SPATS2L: variants seen among roughly 807,000 people sequenced by gnomAD.
SPATS2L encodes spermatogenesis associated serine rich 2 like, also known as SPATS2-like protein.
In SPATS2L, 30 loss-of-function variants were observed where a neutral mutation model predicts 59.6. The ratio of observed to expected loss-of-function variants is 0.50; its 90% confidence interval spans 0.38 to 0.68. The LOEUF is 0.68. Among genes scored for constraint, SPATS2L ranks in the 30% least tolerant of loss-of-function variants. SPATS2L has a pLI of 0.00. For missense variants in SPATS2L, 615 were observed against 700.0 expected, an observed-to-expected ratio of 0.88 and a Z score of 1.37; for synonymous variants, 252 against 263.5, an observed-to-expected ratio of 0.96 and a Z score of 0.42.
chr2:200,387,590 G>A (rs999147999), intron 2 of SPATS2L, among the ~76,000 whole-genome samples: 9 of 152,174 alleles, frequency 5.9e-5, no homozygotes, highest in Non-Finnish European at 1.2e-4. Context: ...CTGAATTTAT[G>A]CTTTATTTAA....
intron 6 of SPATS2L, among the ~76,000 whole-genome samples, chr2:200,422,179 T>C: frequency 6.6e-6 from 1 of 152,188 alleles, no homozygotes; most frequent in East Asian, 1.9e-4. Context: ...CATTGAGGTG[T>C]GTTGGTATTA....
At chr2:200,321,851 CCCATTTT>C (rs2079569033) in intron 1 of SPATS2L, among the ~76,000 whole-genome samples, 1 of 152,148 alleles carries the variant, frequency 6.6e-6, no homozygotes, top group Non-Finnish European at 1.5e-5. Flanking sequence ...GTCTGTTACG[CCCATTTT>C]TCAGATGACA....
At chr2:200,335,988 G>A (rs2080129684) in intron 2 of SPATS2L, among the ~76,000 whole-genome samples, 2 of 152,084 alleles carry the variant, frequency 1.3e-5, no homozygotes, top group South Asian at 4.1e-4. Flanking sequence ...TTGTTATATT[G>A]TGAAATATAT....
At position 200,481,637 on chromosome 2, in the gene SPATS2L, A is replaced by G. The variant is rs1376256652; in HGVS notation, c.*3606A>G. 4 of 152,252 alleles carry G rather than the reference A, an allele frequency of 2.6e-5. No individual in the cohort carries two copies. The highest frequency in any genetic ancestry group is 3.9e-4 in the East Asian group (2 of 5,190). 9.4% of individuals were successfully genotyped at this position (152,252 alleles called of 1,614,324 possible). Reference sequence around the variant, plus strand: ...GTAAAACGTTTATTTCTCAACAGACATTCCAGTGATAGCATCCAATGACCT... The same window carrying G: ...GTAAAACGTTTATTTCTCAACAGACGTTCCAGTGATAGCATCCAATGACCT... On this transcript the variant is annotated 3_prime_UTR_variant, in exon 13 of 13. Transcript: ENST00000409140.
intron 2 of SPATS2L, among the ~76,000 whole-genome samples, chr2:200,330,524 C>T (rs112065252): frequency 3.6e-3 from 545 of 152,286 alleles, no homozygotes; most frequent in Non-Finnish European, 6.5e-3. Flanking sequence ...TGTTGATTTT[C>T]TGTCTTTCTG....
At chr2:200,346,260 A>G (rs936838029) in intron 2 of SPATS2L, among the ~76,000 whole-genome samples, 2 of 152,228 alleles carry the variant, frequency 1.3e-5, no homozygotes, top group African/African-American at 4.8e-5. Context: ...TTATAGCTCC[A>G]TGAGCTAGGA....
chr2:200,351,330 G>A, intron 2 of SPATS2L: 1 of 471,174 alleles, frequency 2.1e-6, no homozygotes, highest in South Asian at 1.5e-5. Context: ...TTTGCTAAGT[G>A]AATAAACTTA....
chr2:200,444,022 G>T (rs2084870712), intron 8 of SPATS2L, among the ~76,000 whole-genome samples: 1 of 152,202 alleles, frequency 6.6e-6, no homozygotes, highest in Admixed American at 6.5e-5. Flanking sequence ...AAGAATTAGG[G>T]ATTTGCGAGG....
At chr2:200,368,415 T>C (rs1300935487) in intron 2 of SPATS2L, among the ~76,000 whole-genome samples, 1 of 152,204 alleles carries the variant, frequency 6.6e-6, no homozygotes, top group East Asian at 1.9e-4. Flanking sequence ...TGAAGTCTTA[T>C]TCATGTTTAA....
chr2:200,351,352 A>G (rs2080723276), intron 2 of SPATS2L: 1 of 469,970 alleles, frequency 2.1e-6, no homozygotes, highest in Non-Finnish European at 4.4e-6. Context: ...TGTATGCTAG[A>G]AGATTTTGTG....
intron 2 of SPATS2L, chr2:200,373,209 T>C (rs1198735274): frequency 6.0e-5 from 9 of 149,746 alleles, no homozygotes; most frequent in African/African-American, 1.5e-4. Context: ...CCAGAACTTA[T>C]TAACATTAGT....
At chr2:200,365,634 G>T (rs1412235477) in intron 2 of SPATS2L, among the ~76,000 whole-genome samples, 2 of 152,132 alleles carry the variant, frequency 1.3e-5, no homozygotes, top group Admixed American at 6.5e-5. Context: ...TAAGGATCAT[G>T]TTCTTCCTTT....
intron 1 of SPATS2L, among the ~76,000 whole-genome samples, chr2:200,326,215 A>G (rs532934649): frequency 1.1e-4 from 16 of 152,206 alleles, no homozygotes; most frequent in Non-Finnish European, 1.6e-4. Context: ...GGCTAAAGCT[A>G]TCTTCTTGCC....
At chr2:200,443,066 A>G (rs1303286989) in intron 8 of SPATS2L, among the ~76,000 whole-genome samples, 1 of 152,224 alleles carries the variant, frequency 6.6e-6, no homozygotes, top group Non-Finnish European at 1.5e-5. Context: ...AATAAAAGTG[A>G]TCCCACAATA....
chr2:200,443,525 G>A (rs1483238362), intron 8 of SPATS2L, among the ~76,000 whole-genome samples: 2 of 152,140 alleles, frequency 1.3e-5, no homozygotes, highest in Admixed American at 6.5e-5. Context: ...AGATGTCACC[G>A]CATGTGGTGC....
chr2:200,458,733 T>TAA (rs71022320), intron 8 of SPATS2L, among the ~76,000 whole-genome samples: 13 of 148,768 alleles, frequency 8.7e-5, no homozygotes, highest in African/African-American at 2.7e-4. Flanking sequence ...AACACACTGT[T>TAA]AAAAAAAAAA....
chr2:200,449,265 T>C (rs13004353), intron 8 of SPATS2L, among the ~76,000 whole-genome samples: 58,084 of 152,140 alleles, frequency 0.38, 11,988 homozygotes, highest in East Asian at 0.52. Context: ...AGCAGGTTGA[T>C]AAATACAAAA....
intron 2 of SPATS2L, among the ~76,000 whole-genome samples, chr2:200,340,843 C>G (rs1451617385): frequency 6.6e-6 from 1 of 152,192 alleles, no homozygotes; most frequent in Non-Finnish European, 1.5e-5. Context: ...CACACTTGAA[C>G]TTTTGCCCTT....
chr2:200,370,616 G>T (rs1038148169), intron 2 of SPATS2L, among the ~76,000 whole-genome samples: 2 of 152,070 alleles, frequency 1.3e-5, no homozygotes, highest in African/African-American at 2.4e-5. Flanking sequence ...ACTCTTATGT[G>T]TCAAAAACTG....
Sources: allele counts gnomAD v4.1 joint callset (sites outside exome capture counted in the v4.1 genomes callset), GRCh38; gene constraint gnomAD v4.1.1; transcripts MANE v1.5; gene names NCBI Gene and HGNC (gene_info 2026-07-23, HGNC 2026-07-21).